MACROD2: variants seen among roughly 807,000 people sequenced by gnomAD.
MACROD2 encodes the protein mono-ADP ribosylhydrolase 2, also known as ADP-ribose glycohydrolase MACROD2.
A neutral mutation model predicts 70.4 loss-of-function variants in MACROD2; 36 were observed. That is an observed-to-expected ratio of 0.51 (90% CI 0.39 to 0.68). The LOEUF is 0.68. MACROD2 is among the 30% of genes least tolerant of loss of function. The probability of loss-of-function intolerance (pLI) is 0.00; values close to 1 mark genes in which losing one functional copy is unlikely to be tolerated. For synonymous variants in MACROD2, 172 were observed against 178.8 expected (o/e 0.96, Z 0.30); for missense variants, 496 against 538.4 (o/e 0.92, Z 0.78).
At chr20:15,660,972 G>A (rs564029205) in intron 8 of MACROD2, among the ~76,000 whole-genome samples, 1 of 152,138 alleles carries the variant, frequency 6.6e-6, no homozygotes, top group East Asian at 1.9e-4. Flanking sequence ...CATCTGTTTT[G>A]TACTAATTTT....
chr20:15,473,337 T>G (rs1040165927), intron 7 of MACROD2, among the ~76,000 whole-genome samples: 3 of 152,036 alleles, frequency 2.0e-5, no homozygotes, highest in African/African-American at 7.2e-5. Flanking sequence ...GGGTATAGAG[T>G]AGGCATTCAA....
At chr20:15,316,096 C>A (rs1291532944) in intron 6 of MACROD2, among the ~76,000 whole-genome samples, 2 of 128,160 alleles carry the variant, frequency 1.6e-5, no homozygotes, top group African/African-American at 5.7e-5. Context: ...GTAATAATGG[C>A]ACACTAAAAA....
In MACROD2 at chr20:14,353,477, G is replaced by T. The variant is rs1464298933; in HGVS notation, c.272-140002G>T. On this transcript the variant is annotated intron_variant, in intron 3 of 17. Coordinates refer to ENST00000684519, the MANE Select transcript of MACROD2 (RefSeq NM_001351661.2). ...AGAAGTGGAATTTTAGGGTTTTAAG[G>T]GATGACTATTTTTTACCTATACTAG... 3.3e-5 allele frequency among the ~76,000 whole-genome samples: 5 copies of T among 151,874 alleles called. No homozygotes were observed. The East Asian group carries it at 9.7e-4, about 29-fold the overall frequency.
chr20:15,936,019 A>C (rs1334671725), intron 11 of MACROD2, among the ~76,000 whole-genome samples: 1 of 152,154 alleles, frequency 6.6e-6, no homozygotes, highest in Non-Finnish European at 1.5e-5. Context: ...TAGTACATGC[A>C]TCATGGACAA....
chr20:15,342,766 A>T (rs1235642947), intron 6 of MACROD2, among the ~76,000 whole-genome samples: 1 of 152,024 alleles, frequency 6.6e-6, no homozygotes, highest in Non-Finnish European at 1.5e-5. Context: ...TGGGGAGGGG[A>T]GTTTTCGGAG....
chr20:15,006,700 G>A (rs1309332372), intron 5 of MACROD2, among the ~76,000 whole-genome samples: 1 of 152,032 alleles, frequency 6.6e-6, no homozygotes, highest in East Asian at 1.9e-4. Flanking sequence ...AAATTTAATA[G>A]AAGCTTTGGA....
intron 6 of MACROD2, among the ~76,000 whole-genome samples, chr20:15,323,702 ACTT>A (rs1362814605): frequency 1.3e-5 from 2 of 151,994 alleles, no homozygotes; most frequent in African/African-American, 4.8e-5. Context: ...GGTTGATTCT[ACTT>A]CTTGTGTATT....
At chr20:14,512,056 CAAG>C (rs2085036942) in intron 4 of MACROD2, among the ~76,000 whole-genome samples, 1 of 151,862 alleles carries the variant, frequency 6.6e-6, no homozygotes, top group Non-Finnish European at 1.5e-5. Flanking sequence ...CTTGGGCTGT[CAAG>C]AGTAGGGAAG....
intron 4 of MACROD2, among the ~76,000 whole-genome samples, chr20:14,645,387 A>G (rs1210513853): frequency 6.6e-6 from 1 of 151,934 alleles, no homozygotes; most frequent in Admixed American, 6.6e-5. Context: ...TATTGTAAAC[A>G]TTTTCTTCTC....
intron 8 of MACROD2, among the ~76,000 whole-genome samples, chr20:15,828,956 G>T (rs1300762396): frequency 6.6e-6 from 1 of 152,110 alleles, no homozygotes; most frequent in African/African-American, 2.4e-5. Flanking sequence ...TTTTAGAGAA[G>T]ATTGTTATTT....
At chr20:15,775,663 G>T (rs144673690) in intron 8 of MACROD2, among the ~76,000 whole-genome samples, 1 of 152,254 alleles carries the variant, frequency 6.6e-6, no homozygotes, top group East Asian at 1.9e-4. Context: ...CACTTTGCTA[G>T]ATTGTGAAAT....
chr20:14,314,994 T>C (rs900937247), intron 3 of MACROD2, among the ~76,000 whole-genome samples: 5 of 152,178 alleles, frequency 3.3e-5, no homozygotes, highest in African/African-American at 1.2e-4. Flanking sequence ...TAGGTCTGTC[T>C]AATTCAAAGA....
chr20:15,153,331 G>A (rs2076284895), intron 5 of MACROD2, among the ~76,000 whole-genome samples: 1 of 152,042 alleles, frequency 6.6e-6, no homozygotes, highest in South Asian at 2.1e-4. Context: ...TCTCTGGCAG[G>A]CAGGAGTAGG....
At chr20:15,488,283 C>T (rs962827026) in intron 7 of MACROD2, among the ~76,000 whole-genome samples, 7 of 152,134 alleles carry the variant, frequency 4.6e-5, no homozygotes, top group African/African-American at 1.7e-4. Flanking sequence ...CCTCAGGTGG[C>T]ACAGAATCAC....
At chr20:14,336,565 A>T (rs562440142) in intron 3 of MACROD2, among the ~76,000 whole-genome samples, 1 of 152,280 alleles carries the variant, frequency 6.6e-6, no homozygotes, top group Admixed American at 6.5e-5. Flanking sequence ...CAAAGAATGG[A>T]TCCTCTGCAA....
intron 8 of MACROD2, among the ~76,000 whole-genome samples, chr20:15,545,275 AG>A (rs1164314856): frequency 2.6e-5 from 4 of 152,236 alleles, no homozygotes; most frequent in African/African-American, 9.6e-5. Flanking sequence ...CTTAATATGA[AG>A]GTTTCCTTAA....
At chr20:16,028,952 T>G (rs1285330724) in intron 15 of MACROD2, among the ~76,000 whole-genome samples, 1 of 152,194 alleles carries the variant, frequency 6.6e-6, no homozygotes, top group African/African-American at 2.4e-5. Context: ...ACAAAATACC[T>G]TAGGCTGGGG....
At chr20:15,274,102 A>G (rs2077369950) in intron 6 of MACROD2, among the ~76,000 whole-genome samples, 6 of 152,230 alleles carry the variant, frequency 3.9e-5, no homozygotes, top group Admixed American at 3.9e-4. Context: ...GGTAAGAATA[A>G]GAAGACATGG....
intron 3 of MACROD2, among the ~76,000 whole-genome samples, chr20:14,160,968 A>C (rs1007249664): frequency 2.6e-5 from 4 of 151,928 alleles, no homozygotes; most frequent in Non-Finnish European, 5.9e-5. Flanking sequence ...CCAATAGGTA[A>C]TTTTTAAACC....
Sources: allele counts gnomAD v4.1 joint callset (sites outside exome capture counted in the v4.1 genomes callset), GRCh38; gene constraint gnomAD v4.1.1; transcripts MANE v1.5; gene names NCBI Gene and HGNC (gene_info 2026-07-23, HGNC 2026-07-21).